The following TAFA5 variants were observed in gnomAD, a reference collection of about 807,000 sequenced individuals.
TAFA5 encodes chemokine-like protein TAFA-5.
Under a neutral mutation model 15.3 loss-of-function variants are expected in TAFA5, and 6 were observed. The ratio of observed to expected loss-of-function variants is 0.39; its 90% CI spans 0.21 to 0.77. TAFA5 has a LOEUF of 0.77. Among genes scored for constraint, TAFA5 ranks in the 30% least tolerant of loss-of-function variants. The pLI, the probability that TAFA5 is intolerant of heterozygous loss-of-function variation, is 0.41. For synonymous variants in TAFA5, 103 were observed against 80.7 expected (o/e 1.28, Z -1.48); for missense variants, 161 against 193.1 (o/e 0.83, Z 0.98).
intron 1 of TAFA5, among the ~76,000 whole-genome samples, chr22:48,623,643 T>C (rs1014101816): frequency 6.6e-6 from 1 of 152,194 alleles, no homozygotes; most frequent in African/African-American, 2.4e-5. Context: ...TGCAGACAGG[T>C]GTGCAGGAGG....
At chr22:48,624,379 AG>A (rs2147184696) in intron 1 of TAFA5, among the ~76,000 whole-genome samples, 1 of 152,190 alleles carries the variant, frequency 6.6e-6, no homozygotes, top group South Asian at 2.1e-4. Context: ...TCCTTGGAAG[AG>A]CATCCCTAGG....
Position 48,500,502 on chromosome 22 carries a change from C to T in TAFA5, c.112+10798C>T, listed in dbSNP as rs966517772. 5.3e-5 allele frequency among the ~76,000 whole-genome samples: 8 copies of T among 152,326 alleles called. No homozygotes were observed. The South Asian group carries it at 6.2e-4, about 12-fold the overall frequency. ...ACCAGGTGTCCCTGAGCACACAGTG[C>T]GTGCCGGCCTCCTTGGGTAGAGCAG... On this transcript the variant is annotated intron_variant, in intron 1 of 3. Coordinates refer to ENST00000402357, the MANE Select transcript of TAFA5 (RefSeq NM_001082967.3).
intron 1 of TAFA5, chr22:48,576,530 G>T: frequency 6.6e-7 from 1 of 1,516,090 alleles, no homozygotes; most frequent in Non-Finnish European, 8.9e-7. Flanking sequence ...GCGCTCTGCT[G>T]CTTCCTCGTC....
rs538284172 is a variant in TAFA5 at position 48,499,120 on chromosome 22, C to T, written c.112+9416C>T. ...CTGCCGGGAGGGAGGTGTCTCTGCA[C>T]GTTTCCACACACTTCTGTTTCCAGA... is the stretch of plus-strand genomic sequence containing the variant. On this transcript the variant is annotated intron_variant, in intron 1 of 3. Transcript: ENST00000402357. 2.6e-5 allele frequency among the ~76,000 whole-genome samples: 4 copies of T among 152,296 alleles called. No homozygotes were observed. The East Asian group carries it at 7.7e-4, about 29-fold the overall frequency.
intron 2 of TAFA5, among the ~76,000 whole-genome samples, chr22:48,680,226 G>A (rs1250089398): frequency 6.6e-6 from 1 of 152,268 alleles, no homozygotes; most frequent in Non-Finnish European, 1.5e-5. Flanking sequence ...GCTGGAAGCA[G>A]AGTTATAAAT....
intron 1 of TAFA5, among the ~76,000 whole-genome samples, chr22:48,563,176 T>C (rs6008757): frequency 0.84 from 127,799 of 152,202 alleles, 53,876 homozygotes; most frequent in African/African-American, 0.93. Flanking sequence ...AAGAGCCCTG[T>C]GGACAAGTGG....
intron 2 of TAFA5, among the ~76,000 whole-genome samples, chr22:48,663,182 A>G (rs1359900060): frequency 6.6e-6 from 1 of 152,162 alleles, no homozygotes; most frequent in Non-Finnish European, 1.5e-5. Context: ...GAGCCAGGTG[A>G]CTTAACAAAG....
chr22:48,692,016 C>T (rs928987876), intron 2 of TAFA5, among the ~76,000 whole-genome samples: 1 of 152,156 alleles, frequency 6.6e-6, no homozygotes, highest in Non-Finnish European at 1.5e-5. Context: ...GGCAGGAACA[C>T]TGGGTGCCTC....
At position 48,649,774 on chromosome 22, in the gene TAFA5, G is replaced by C. The variant is rs560933467; in HGVS notation, c.262+3028G>C. On this transcript the variant is annotated intron_variant, in intron 2 of 3. Transcript: ENST00000402357. ...CACTGATGCGTCTCAAGACTGGGAG[G>C]GGGAGAGCGGTGCCCTGCACGGCCA... is the stretch of plus-strand genomic sequence containing the variant. Among the ~76,000 whole-genome samples, 18 of 152,282 alleles carry C rather than the reference G, an allele frequency of 1.2e-4. No homozygotes were observed. In the East Asian group the frequency reaches 3.1e-3, roughly 26 times the overall value.
chr22:48,607,302 CT>C (rs1181277101), intron 1 of TAFA5, among the ~76,000 whole-genome samples: 1 of 139,992 alleles, frequency 7.1e-6, no homozygotes, highest in Non-Finnish European at 1.6e-5. Context: ...GTCCTGGGTT[CT>C]GATTAGGGCT....
At chr22:48,586,260 G>A (rs1007414401) in intron 1 of TAFA5, among the ~76,000 whole-genome samples, 4 of 152,386 alleles carry the variant, frequency 2.6e-5, no homozygotes, top group East Asian at 3.9e-4. Flanking sequence ...CAGAGGTGGC[G>A]TGGGTGTTGC....
At chr22:48,648,272 A>C (rs1926934931) in intron 2 of TAFA5, among the ~76,000 whole-genome samples, 1 of 152,004 alleles carries the variant, frequency 6.6e-6, no homozygotes, top group African/African-American at 2.4e-5. Context: ...CTGGATTTGG[A>C]GTCTGAGTTT....
chr22:48,662,151 C>T (rs768015833), intron 2 of TAFA5, among the ~76,000 whole-genome samples: 22 of 152,188 alleles, frequency 1.4e-4, no homozygotes, highest in African/African-American at 3.4e-4. Flanking sequence ...GGCTGGGGCT[C>T]GGCCTGGGTG....
chr22:48,596,146 A>G (rs1924756726), intron 1 of TAFA5, among the ~76,000 whole-genome samples: 1 of 152,282 alleles, frequency 6.6e-6, no homozygotes, highest in Non-Finnish European at 1.5e-5. Flanking sequence ...GCTGTGCCAG[A>G]TTTATTTTTC....
At chr22:48,659,983 G>T (rs1927378503) in intron 2 of TAFA5, among the ~76,000 whole-genome samples, 1 of 152,178 alleles carries the variant, frequency 6.6e-6, no homozygotes, top group South Asian at 2.1e-4. Context: ...GGGGTGAGTG[G>T]GGTTGCCTCC....
At chr22:48,649,120 C>T (rs1014289190) in intron 2 of TAFA5, among the ~76,000 whole-genome samples, 8 of 152,212 alleles carry the variant, frequency 5.3e-5, no homozygotes, top group East Asian at 1.9e-4. Context: ...GGGAAGGGGC[C>T]GCGGGCTCTT....
intron 1 of TAFA5, among the ~76,000 whole-genome samples, chr22:48,551,066 C>G (rs1193978663): frequency 6.6e-6 from 1 of 151,954 alleles, no homozygotes; most frequent in African/African-American, 2.4e-5. Flanking sequence ...GAACATCATG[C>G]AAAGTCCTCC....
chr22:48,646,861 C>T (rs950692730), intron 2 of TAFA5, 115 bp downstream of exon 2: 37 of 1,292,930 alleles, frequency 2.9e-5, no homozygotes, highest in East Asian at 7.7e-5. Context: ...AGCGCATCCT[C>T]GGGTCAGGCC....
chr22:48,542,959 T>G (rs1471508385), intron 1 of TAFA5, among the ~76,000 whole-genome samples: 1 of 149,672 alleles, frequency 6.7e-6, no homozygotes, highest in Non-Finnish European at 1.5e-5. Context: ...GTGGTGTGTG[T>G]CGTGTGTGGT....
Sources: gnomAD v4.1 joint callset for allele counts (sites outside exome capture counted in the v4.1 genomes callset) on GRCh38, gnomAD v4.1.1 for gene constraint, MANE v1.5 for transcripts, NCBI Gene and HGNC (gene_info 2026-07-23, HGNC 2026-07-21) for gene names.